RPH3A: variants seen among roughly 807,000 people sequenced by gnomAD.
The protein encoded by RPH3A is rabphilin 3A, also known as rabphilin-3A.
Under a neutral mutation model 102.2 loss-of-function variants are expected in RPH3A, and 48 were observed. The observed-to-expected ratio is 0.47, with a 90% CI of 0.37 to 0.60. The LOEUF (loss-of-function observed/expected upper bound fraction) is 0.60. Among genes scored for constraint, RPH3A ranks in the 20% least tolerant of loss-of-function variants. The pLI is 0.00. For missense variants in RPH3A, 781 were observed against 910.1 expected (o/e 0.86, Z 1.83); for synonymous variants, 310 against 324.3 (o/e 0.96, Z 0.47).
intron 2 of RPH3A, among the ~76,000 whole-genome samples, chr12:112,802,996 C>T (rs2136106796): frequency 6.6e-6 from 1 of 152,238 alleles, no homozygotes; most frequent in Middle Eastern, 3.4e-3. Flanking sequence ...CCTTGAGTGG[C>T]CAGAGAGGCC....
chr12:112,789,676 A>G (rs1299209419), upstream of RPH3A, among the ~76,000 whole-genome samples: 1 of 151,980 alleles, frequency 6.6e-6, no homozygotes, highest in Non-Finnish European at 1.5e-5. Flanking sequence ...AGCAGCCATC[A>G]TTGCCACCAC....
chr12:112,687,919 T>G lies in RPH3A; in HGVS notation c.-139-104224T>G, dbSNP rs183495731. Among the ~76,000 whole-genome samples, 5 of 152,322 alleles carry G rather than the reference T, an allele frequency of 3.3e-5. No homozygotes were observed. The East Asian group carries it at 9.6e-4, about 29-fold the overall frequency. On this transcript the variant is annotated intron_variant, in intron 1 of 21. Coordinates refer to the RPH3A transcript ENST00000543106. ...TAGGATAATTCAGAGTAGGAATATC[T>G]ACTCCCTTTATATAAACATTCCAGC...
intron 1 of RPH3A, among the ~76,000 whole-genome samples, chr12:112,704,241 G>A (rs565750353): frequency 7.2e-5 from 11 of 152,100 alleles, no homozygotes; most frequent in South Asian, 2.1e-4. Flanking sequence ...GGCGTAAGCC[G>A]TCACACCTGG....
chr12:112,742,307 C>T (rs977907431), intron 1 of RPH3A, among the ~76,000 whole-genome samples: 83 of 151,848 alleles, frequency 5.5e-4, no homozygotes, highest in Admixed American at 5.3e-3. Context: ...TAGACTCTTC[C>T]GGGAAATTGG....
intron 7 of RPH3A, among the ~76,000 whole-genome samples, chr12:112,867,672 C>T (rs2042635078): frequency 6.6e-6 from 1 of 152,164 alleles, no homozygotes; most frequent in African/African-American, 2.4e-5. Context: ...TAGGTGTAGC[C>T]TAACAGGAAT....
intron 2 of RPH3A, among the ~76,000 whole-genome samples, chr12:112,805,123 A>T (rs2041433560): frequency 6.6e-6 from 1 of 152,220 alleles, no homozygotes; most frequent in Non-Finnish European, 1.5e-5. Flanking sequence ...AAAACATTGC[A>T]ATGTATGGTA....
At chr12:112,808,739 A>G (rs1253016993) in intron 2 of RPH3A, among the ~76,000 whole-genome samples, 2 of 152,176 alleles carry the variant, frequency 1.3e-5, no homozygotes, top group Non-Finnish European at 2.9e-5. Flanking sequence ...AACTTACTAG[A>G]AATGCAAATT....
intron 1 of RPH3A, among the ~76,000 whole-genome samples, chr12:112,646,440 A>G (rs1428127145): frequency 1.3e-5 from 2 of 152,096 alleles, no homozygotes; most frequent in African/African-American, 4.8e-5. Flanking sequence ...GAGCAAAAAT[A>G]CCTTTCTCTA....
chr12:112,802,663 C>T (rs1311977323), intron 2 of RPH3A, among the ~76,000 whole-genome samples: 1 of 151,814 alleles, frequency 6.6e-6, no homozygotes, highest in Non-Finnish European at 1.5e-5. Flanking sequence ...GGAGTGGTCC[C>T]CTGGCTCAGG....
intron 4 of RPH3A, among the ~76,000 whole-genome samples, chr12:112,840,623 T>A (rs999241950): frequency 6.6e-6 from 1 of 152,190 alleles, no homozygotes; most frequent in African/African-American, 2.4e-5. Context: ...ATGAACTCTA[T>A]CACAGGCTGC....
At chr12:112,755,978 A>G (rs1466216519) in intron 1 of RPH3A, among the ~76,000 whole-genome samples, 2 of 152,168 alleles carry the variant, frequency 1.3e-5, no homozygotes, top group Non-Finnish European at 2.9e-5. Flanking sequence ...GTAGAGAGTC[A>G]AAGGCTGGTT....
At chr12:112,781,492 T>G (rs1324801310) in intron 1 of RPH3A, among the ~76,000 whole-genome samples, 1 of 152,178 alleles carries the variant, frequency 6.6e-6, no homozygotes. Flanking sequence ...CCTCCTCTTC[T>G]GTGTGGTTCG....
At chr12:112,861,463 G>T (rs901376791) in intron 5 of RPH3A, among the ~76,000 whole-genome samples, 1 of 152,130 alleles carries the variant, frequency 6.6e-6, no homozygotes, top group African/African-American at 2.4e-5. Context: ...CAGGGAAATC[G>T]AGCAGGGTGG....
At chr12:112,883,483 C>A in intron 16 of RPH3A, 81 bp downstream of exon 16, 1 of 921,168 alleles carries the variant, frequency 1.1e-6, no homozygotes, top group Non-Finnish European at 1.8e-6. Flanking sequence ...GTGAGGCCCC[C>A]AGGGCTTCAC....
intron 1 of RPH3A, among the ~76,000 whole-genome samples, chr12:112,696,681 TC>T (rs2040354363): frequency 6.6e-6 from 1 of 152,148 alleles, no homozygotes; most frequent in Non-Finnish European, 1.5e-5. Flanking sequence ...AGAGGAGAAT[TC>T]CCCCATCAAA....
chr12:112,789,027 G>T (rs114832339), upstream of RPH3A, among the ~76,000 whole-genome samples: 1 of 152,110 alleles, frequency 6.6e-6, no homozygotes, highest in Non-Finnish European at 1.5e-5. Flanking sequence ...GGCGTGGGGC[G>T]CATACCTGTA....
At chr12:112,636,802 CA>C (rs1351086705) in intron 1 of RPH3A, among the ~76,000 whole-genome samples, 1 of 152,152 alleles carries the variant, frequency 6.6e-6, no homozygotes, top group Non-Finnish European at 1.5e-5. Context: ...AGCCCTTTCA[CA>C]CACTCTACTC....
intron 1 of RPH3A, among the ~76,000 whole-genome samples, chr12:112,688,767 T>TG (rs1179836784): frequency 2.0e-5 from 3 of 152,220 alleles, no homozygotes; most frequent in African/African-American, 7.2e-5. Context: ...TTAGGAGGTA[T>TG]GTCAAAGAAT....
chr12:112,677,474 CTT>C (rs2040188042), intron 1 of RPH3A, among the ~76,000 whole-genome samples: 1 of 138,284 alleles, frequency 7.2e-6, no homozygotes, highest in Non-Finnish European at 1.5e-5. Context: ...TCCTTCCTTC[CTT>C]CCTTCCTTCC....
Sources: allele counts gnomAD v4.1 joint callset (sites outside exome capture counted in the v4.1 genomes callset), GRCh38; gene constraint gnomAD v4.1.1; transcripts MANE v1.5; gene names NCBI Gene and HGNC (gene_info 2026-07-23, HGNC 2026-07-21).